LRIF1: variants seen among roughly 807,000 people sequenced by gnomAD.
LRIF1 encodes the protein ligand-dependent nuclear receptor-interacting factor 1.
LRIF1 carries 32 observed loss-of-function variants against 52.7 expected under a neutral mutation model. That is an observed-to-expected ratio of 0.61 (90% confidence interval 0.46 to 0.82). The LOEUF (loss-of-function observed/expected upper bound fraction) is 0.82. Ranked by LOEUF, LRIF1 falls within the 40% of genes least tolerant of loss-of-function variation. LRIF1 has a pLI of 0.00. For synonymous variants in LRIF1, 323 were observed against 317.4 expected (o/e 1.02, Z -0.19); for missense variants, 887 against 892.0 (o/e 0.99, Z 0.07).
downstream of LRIF1, among the ~76,000 whole-genome samples, chr1:110,946,152 CAATA>C (rs1230944649): frequency 2.6e-5 from 4 of 152,114 alleles, no homozygotes; most frequent in Non-Finnish European, 4.4e-5. Context: ...TATTATTCAG[CAATA>C]AATAATGAAG....
the LRIF1 span, among the ~76,000 whole-genome samples, chr1:110,906,309 G>A: frequency 1.3e-5 from 2 of 152,156 alleles, no homozygotes; most frequent in Non-Finnish European, 2.9e-5. Context: ...ACTTTGAGAG[G>A]TTGAAGCAGA....
chr1:110,904,477 A>G, the LRIF1 span, among the ~76,000 whole-genome samples: 1 of 152,212 alleles, frequency 6.6e-6, no homozygotes, highest in Non-Finnish European at 1.5e-5. Flanking sequence ...AAAGTGAGGG[A>G]AGAGAACAAG....
the LRIF1 span, among the ~76,000 whole-genome samples, chr1:110,920,342 G>C: frequency 6.6e-6 from 1 of 152,038 alleles, no homozygotes; most frequent in East Asian, 1.9e-4. Context: ...CCAGACAATA[G>C]AATATTATTC....
the LRIF1 span, chr1:110,899,036 A>G: frequency 4.2e-6 from 4 of 956,386 alleles, no homozygotes; most frequent in East Asian, 7.3e-5. Flanking sequence ...TAATGGATAC[A>G]TTCTTTTTCT....
chr1:110,954,625 A>C (rs1394084820), intron 1 of LRIF1, among the ~76,000 whole-genome samples: 1 of 152,182 alleles, frequency 6.6e-6, no homozygotes, highest in Non-Finnish European at 1.5e-5. Flanking sequence ...GCACCACAAG[A>C]AAAGCACATT....
At chr1:110,916,021 A>T in the LRIF1 span, among the ~76,000 whole-genome samples, 1 of 152,176 alleles carries the variant, frequency 6.6e-6, no homozygotes, top group Non-Finnish European at 1.5e-5. Flanking sequence ...AATATCTTTT[A>T]GCATGTATGT....
At chr1:110,908,534 T>C in the LRIF1 span, among the ~76,000 whole-genome samples, 2 of 152,164 alleles carry the variant, frequency 1.3e-5, no homozygotes, top group Admixed American at 6.5e-5. Context: ...GACATATTCA[T>C]TTTAAGAGAG....
At chr1:110,962,925 A>G (rs1238695950) in intron 1 of LRIF1, among the ~76,000 whole-genome samples, 1 of 152,186 alleles carries the variant, frequency 6.6e-6, no homozygotes, top group Non-Finnish European at 1.5e-5. Context: ...TAAAAAAAAA[A>G]ACCCAAAAAC....
chr1:110,961,412 T>C (rs1658942227), intron 1 of LRIF1, among the ~76,000 whole-genome samples: 1 of 152,226 alleles, frequency 6.6e-6, no homozygotes, highest in African/African-American at 2.4e-5. Flanking sequence ...AAAGGTTCTT[T>C]CCACTATAGC....
the LRIF1 span, among the ~76,000 whole-genome samples, chr1:110,915,463 G>C: frequency 6.6e-6 from 1 of 151,868 alleles, no homozygotes; most frequent in African/African-American, 2.4e-5. Flanking sequence ...ACTCCAGCCT[G>C]GGCGACAGAG....
At chr1:110,906,562 A>C in the LRIF1 span, among the ~76,000 whole-genome samples, 1 of 152,148 alleles carries the variant, frequency 6.6e-6, no homozygotes, top group African/African-American at 2.4e-5. Context: ...GACAGAGAAC[A>C]TTTATGATCG....
At chr1:110,880,870 G>A in the LRIF1 span, among the ~76,000 whole-genome samples, 1 of 152,248 alleles carries the variant, frequency 6.6e-6, no homozygotes, top group South Asian at 2.1e-4. Flanking sequence ...TGAGGGTTGG[G>A]TGTGAAGACT....
chr1:110,933,936 T>A, the LRIF1 span, among the ~76,000 whole-genome samples: 1 of 152,252 alleles, frequency 6.6e-6, no homozygotes, highest in Middle Eastern at 3.4e-3. Flanking sequence ...GACCCCTTCC[T>A]TCTGCCTGAG....
At chr1:110,877,412 T>C in the LRIF1 span, among the ~76,000 whole-genome samples, 4 of 152,190 alleles carry the variant, frequency 2.6e-5, no homozygotes, top group African/African-American at 9.7e-5. Context: ...GTTCTGCATA[T>C]TTCTACCTAG....
chr1:110,921,702 T>C, the LRIF1 span, among the ~76,000 whole-genome samples: 1 of 152,174 alleles, frequency 6.6e-6, no homozygotes, highest in Non-Finnish European at 1.5e-5. Context: ...TAGATAATTA[T>C]AGTGGGATAT....
At chr1:110,940,118 G>T in the LRIF1 span, 1 of 151,840 alleles carries the variant, frequency 6.6e-6, no homozygotes, top group African/African-American at 2.4e-5. Context: ...GAATACGTAA[G>T]GAGCTCTAAC....
chr1:110,933,875 G>A, the LRIF1 span, among the ~76,000 whole-genome samples: 1 of 152,108 alleles, frequency 6.6e-6, no homozygotes, highest in Non-Finnish European at 1.5e-5. Context: ...AAGGAGTGCT[G>A]ACATAACCTC....
At chr1:110,931,055 T>A in the LRIF1 span, among the ~76,000 whole-genome samples, 1 of 152,092 alleles carries the variant, frequency 6.6e-6, no homozygotes, top group Non-Finnish European at 1.5e-5. Flanking sequence ...TACATAGGTA[T>A]ACATGTGCCA....
the LRIF1 span, among the ~76,000 whole-genome samples, chr1:110,902,166 T>C: frequency 6.6e-6 from 1 of 152,216 alleles, no homozygotes; most frequent in Non-Finnish European, 1.5e-5. Flanking sequence ...AAAACATAAA[T>C]GTAATAATGA....
Sources: gnomAD v4.1 joint callset for allele counts (sites outside exome capture counted in the v4.1 genomes callset) on GRCh38, gnomAD v4.1.1 for gene constraint, MANE v1.5 for transcripts, NCBI Gene and HGNC (gene_info 2026-07-23, HGNC 2026-07-21) for gene names.